GABRG3: variants seen among roughly 807,000 people sequenced by gnomAD.
The protein encoded by GABRG3 is gamma-aminobutyric acid receptor subunit gamma-3.
Under a neutral mutation model 48.8 loss-of-function variants are expected in GABRG3, and 25 were observed. The ratio of observed to expected loss-of-function variants is 0.51; its 90% CI spans 0.37 to 0.72. The LOEUF (loss-of-function observed/expected upper bound fraction) is 0.72, where lower values mean the gene tolerates loss of function less well. Ranked by LOEUF, GABRG3 falls within the 30% of genes least tolerant of loss-of-function variation. The pLI, the probability that GABRG3 is intolerant of heterozygous loss-of-function variation, is 0.00. For synonymous variants in GABRG3, 227 were observed against 217.6 expected (o/e 1.04, Z -0.38); for missense variants, 394 against 577.9 (o/e 0.68, Z 3.26).
Position 26,975,307 on chromosome 15 carries a change from G to T in GABRG3, c.54-1695G>T, listed in dbSNP as rs1894920093. 6.6e-6 allele frequency among the ~76,000 whole-genome samples: 1 copy of T among 151,968 alleles called. No homozygotes were observed. Among genetic ancestry groups the T allele is most frequent in the South Asian group, 2.1e-4 (1 of 4,814 alleles). On this transcript the variant is annotated intron_variant, in intron 1 of 9. Transcript: ENST00000615808. The surrounding 1 kb of genome is among the most constrained non-coding windows in gnomAD (Gnocchi z 4.6). Reference sequence around the variant, plus strand: ...TGCCCCACATTTAAAAATTCCTATCGATCGTGAATATCCAATGTGCATAAA... The same window carrying T: ...TGCCCCACATTTAAAAATTCCTATCTATCGTGAATATCCAATGTGCATAAA...
At chr15:27,493,022 A>G (rs1365711438) in intron 6 of GABRG3, among the ~76,000 whole-genome samples, 1 of 152,260 alleles carries the variant, frequency 6.6e-6, no homozygotes, top group African/African-American at 2.4e-5. Flanking sequence ...CCCTTGAGAC[A>G]AAATAGTAGT....
At chr15:27,380,142 T>C (rs552893702) in intron 5 of GABRG3, among the ~76,000 whole-genome samples, 1 of 152,192 alleles carries the variant, frequency 6.6e-6, no homozygotes, top group Non-Finnish European at 1.5e-5. Context: ...AGCTTACCGT[T>C]TTCTCAGCCA....
rs370120579 is a variant in GABRG3 at position 27,263,954 on chromosome 15, GAA to G, written c.271-62852_271-62851del. ...AAAAAAAAAAGAAAAAGAAAAAAAA[GAA>G]AAGTGCTGGAAAAGAGAAGCACAGG... On this transcript the variant is annotated intron_variant, in intron 3 of 9. Coordinates refer to ENST00000615808, the MANE Select transcript of GABRG3 (RefSeq NM_033223.5). 9.0e-3 allele frequency among the ~76,000 whole-genome samples: 225 copies of G among 24,872 alleles called. 1 individual carries two copies. The highest frequency in any genetic ancestry group is 0.027 in the African/African-American group (209 of 7,866). 16.3% of individuals were successfully genotyped at this position (24,872 alleles called of 152,430 possible). A position where few individuals can be genotyped will look rare whatever the true frequency, so the allele number is the denominator to read the frequency against.
intron 3 of GABRG3, among the ~76,000 whole-genome samples, chr15:27,126,628 T>A (rs779072485): frequency 6.6e-6 from 1 of 152,220 alleles, no homozygotes; most frequent in Non-Finnish European, 1.5e-5. Context: ...CGAGCTCCCC[T>A]GCCCTCTGCT....
Position 27,334,621 on chromosome 15 carries a change from A to G in GABRG3, c.574+5733A>G, listed in dbSNP as rs372691651. On this transcript the variant is annotated intron_variant, in intron 5 of 9. Coordinates refer to ENST00000615808, the MANE Select transcript of GABRG3 (RefSeq NM_033223.5). ...AACCTTATCTTTAAAATGCTATGGTATGAGAAGTATGCAAGTAGCATATAT... is the reference window on the plus strand; with the variant it reads ...AACCTTATCTTTAAAATGCTATGGTGTGAGAAGTATGCAAGTAGCATATAT... 3.9e-5 allele frequency among the ~76,000 whole-genome samples: 6 copies of G among 152,278 alleles called. No homozygotes were observed. The East Asian group carries it at 9.6e-4, about 24-fold the overall frequency.
At chr15:27,431,108 A>G (rs1469318006) in intron 5 of GABRG3, among the ~76,000 whole-genome samples, 1 of 152,022 alleles carries the variant, frequency 6.6e-6, no homozygotes, top group African/African-American at 2.4e-5. Flanking sequence ...TATCCTTATG[A>G]CAGTAGCACA....
At chr15:27,514,526 A>G (rs1566874946) in intron 6 of GABRG3, among the ~76,000 whole-genome samples, 1 of 152,232 alleles carries the variant, frequency 6.6e-6, no homozygotes, top group Admixed American at 6.5e-5. Context: ...GGGCCACCCA[A>G]GATAATCTTT....
chr15:27,160,320 C>G (rs1887131164), intron 3 of GABRG3, among the ~76,000 whole-genome samples: 1 of 152,138 alleles, frequency 6.6e-6, no homozygotes, highest in Admixed American at 6.5e-5. Flanking sequence ...CCCCAACCCC[C>G]TTTATCCTCA....
chr15:27,022,787 G>A (rs1895920088), intron 2 of GABRG3, among the ~76,000 whole-genome samples: 1 of 152,130 alleles, frequency 6.6e-6, no homozygotes, highest in Non-Finnish European at 1.5e-5. Flanking sequence ...CATCATGATA[G>A]TTCAAATAGC....
chr15:27,351,712 TTGTG>T (rs377085243), intron 5 of GABRG3, among the ~76,000 whole-genome samples: 51 of 147,996 alleles, frequency 3.4e-4, no homozygotes, highest in African/African-American at 1.1e-3. Context: ...TATGGGGTAT[TTGTG>T]TGTGTGTGTA....
In GABRG3 at chr15:27,032,311, C is replaced by T. The variant is rs756012555; in HGVS notation, c.270+5490C>T. Among the ~76,000 whole-genome samples the T allele has an allele frequency of 2.5e-4, 38 of 152,192 alleles. 1 individual carries two copies. Among genetic ancestry groups the T allele is most frequent in the Non-Finnish European group, 5.4e-4 (37 of 68,040 alleles). ...CACATTAACCATGAAGTCCCTTCTG[C>T]CATCTCTGGTTCCATTTCTAATGTC... On this transcript the variant is annotated intron_variant, in intron 3 of 9. Coordinates refer to ENST00000615808, the MANE Select transcript of GABRG3 (RefSeq NM_033223.5).
intron 3 of GABRG3, among the ~76,000 whole-genome samples, chr15:27,283,423 G>C (rs1298047720): frequency 6.6e-6 from 1 of 152,176 alleles, no homozygotes; most frequent in Non-Finnish European, 1.5e-5. Context: ...GGCCAACATG[G>C]TGAAACGCCA....
At chr15:27,532,427 C>CAAAAAAAAAAAA (rs374534463) in intron 9 of GABRG3, among the ~76,000 whole-genome samples, 173 bp from the exon 10 acceptor site, 1 of 74,684 alleles carries the variant, frequency 1.3e-5, no homozygotes, top group African/African-American at 4.6e-5. Context: ...TCCTTAAAAC[C>CAAAAAAAAAAAA]AAAAAAAAAA....
chr15:27,275,831 G>A (rs1891233027), intron 3 of GABRG3, among the ~76,000 whole-genome samples: 1 of 152,164 alleles, frequency 6.6e-6, no homozygotes, highest in Admixed American at 6.5e-5. Context: ...CTGCAGGTCC[G>A]ATGGGGAGGC....
At chr15:27,384,500 C>G (rs1895865833) in intron 5 of GABRG3, among the ~76,000 whole-genome samples, 1 of 152,156 alleles carries the variant, frequency 6.6e-6, no homozygotes, top group Non-Finnish European at 1.5e-5. Context: ...CACACGCACA[C>G]ACACACAAGT....
chr15:27,260,514 C>T (rs1278658192), intron 3 of GABRG3, among the ~76,000 whole-genome samples: 1 of 152,074 alleles, frequency 6.6e-6, no homozygotes, highest in East Asian at 1.9e-4. Flanking sequence ...GTTCTGCATT[C>T]CAAGGATTCA....
rs528892261 is a variant in GABRG3, at chr15:27,131,023, T to C, written c.270+104202T>C. Among the ~76,000 whole-genome samples, 18 of 152,258 alleles carry C rather than the reference T, an allele frequency of 1.2e-4. No homozygotes were observed. In the South Asian group the frequency reaches 2.7e-3, roughly 23 times the overall value. ...TCTTCCTTTCCAATTTGTATGCCTT[T>C]TAATTTTCTTTTCTTTCCTAATTAC... On this transcript the variant is annotated intron_variant, in intron 3 of 9. Transcript: ENST00000615808.
At chr15:27,245,676 A>AGCCTGGCCAACATGGTGAAACCC (rs57575117) in intron 3 of GABRG3, among the ~76,000 whole-genome samples, 31,735 of 150,798 alleles carry the variant, frequency 0.21, 4,463 homozygotes, top group East Asian at 0.51. Context: ...GTTCGAAACC[A>AGCCTGGCCAACATGGTGAAACCC]GCCTGGCCAA....
intron 5 of GABRG3, among the ~76,000 whole-genome samples, chr15:27,477,728 T>C (rs1889982585): frequency 6.6e-6 from 1 of 152,008 alleles, no homozygotes; most frequent in South Asian, 2.1e-4. Context: ...AGAAGTACAC[T>C]CGAAAATAAA....
Sources: allele counts gnomAD v4.1 joint callset (sites outside exome capture counted in the v4.1 genomes callset), GRCh38; gene constraint gnomAD v4.1.1; non-coding constraint Gnocchi (gnomAD v3.1); transcripts MANE v1.5; gene names NCBI Gene and HGNC (gene_info 2026-07-23, HGNC 2026-07-21).